KANSL1L: variants seen among roughly 807,000 people sequenced by gnomAD.
The protein encoded by KANSL1L is KAT8 regulatory NSL complex subunit 1-like protein.
A neutral mutation model predicts 108.6 loss-of-function variants in KANSL1L; 25 were observed. That is an observed-to-expected ratio of 0.23 (90% CI 0.17 to 0.32). The LOEUF (loss-of-function observed/expected upper bound fraction) is 0.32, where lower values mean the gene tolerates loss of function less well. KANSL1L is among the 10% of genes least tolerant of loss of function. The probability of loss-of-function intolerance (pLI) is 1.00; values close to 1 mark genes in which losing one functional copy is unlikely to be tolerated. For missense variants in KANSL1L, 1,137 were observed against 1,125.7 expected, an observed-to-expected ratio of 1.01 and a Z score of -0.14; for synonymous variants, 405 against 395.1, an observed-to-expected ratio of 1.03 and a Z score of -0.30.
chr2:210,062,125 G>A (rs1205126220), intron 6 of KANSL1L, among the ~76,000 whole-genome samples: 3 of 152,150 alleles, frequency 2.0e-5, no homozygotes, highest in Non-Finnish European at 4.4e-5. Flanking sequence ...GTTGTGGGAG[G>A]GACCGGGAGA....
chr2:210,031,215 T>C (rs2094011388), intron 9 of KANSL1L: 2 of 450,434 alleles, frequency 4.4e-6, no homozygotes, highest in Admixed American at 4.2e-5. Flanking sequence ...AGGGAAATAC[T>C]TAATTGCCAT....
chr2:210,068,633 A>T (rs941189094), intron 6 of KANSL1L, among the ~76,000 whole-genome samples: 5 of 152,164 alleles, frequency 3.3e-5, no homozygotes, highest in African/African-American at 1.2e-4. Flanking sequence ...AAGTGTTTGC[A>T]ACTGAGTTGT....
At chr2:210,115,933 G>T (rs2094949427) in intron 3 of KANSL1L, among the ~76,000 whole-genome samples, 1 of 152,168 alleles carries the variant, frequency 6.6e-6, no homozygotes, top group South Asian at 2.1e-4. Flanking sequence ...ACACCAGATT[G>T]AACACTATCC....
At chr2:210,043,634 A>G in intron 7 of KANSL1L, 1 of 202,918 alleles carries the variant, frequency 4.9e-6, no homozygotes, top group South Asian at 1.8e-4. Context: ...AAACATTTCA[A>G]CAGCACAGCC....
At chr2:210,091,753 T>G (rs1473015042) in intron 5 of KANSL1L, among the ~76,000 whole-genome samples, 2 of 152,338 alleles carry the variant, frequency 1.3e-5, no homozygotes, top group East Asian at 3.9e-4. Flanking sequence ...CATGCCCATA[T>G]GGTTACTTAC....
chr2:210,149,366 T>C (rs1007910247), intron 2 of KANSL1L, among the ~76,000 whole-genome samples: 1 of 152,166 alleles, frequency 6.6e-6, no homozygotes. Flanking sequence ...AAGTCAACTT[T>C]AGTATTTACT....
intron 5 of KANSL1L, among the ~76,000 whole-genome samples, chr2:210,076,902 T>C (rs1260476607): frequency 6.6e-6 from 1 of 152,106 alleles, no homozygotes; most frequent in Non-Finnish European, 1.5e-5. Flanking sequence ...GAATCTGCTA[T>C]TATGTGATAC....
intron 8 of KANSL1L, 32 bp from the exon 9 acceptor site, chr2:210,031,578 T>C (rs2094016900): frequency 1.4e-6 from 2 of 1,407,542 alleles, no homozygotes; most frequent in Non-Finnish European, 1.9e-6. Context: ...TATTAAGTTT[T>C]AGTTCCTTAA....
intron 3 of KANSL1L, among the ~76,000 whole-genome samples, chr2:210,124,152 C>T (rs2095045587): frequency 6.6e-6 from 1 of 152,074 alleles, no homozygotes; most frequent in Admixed American, 6.6e-5. Flanking sequence ...AATAAACCAA[C>T]TAGATTTAAC....
chr2:210,069,947 G>T (rs1229815811), intron 6 of KANSL1L, among the ~76,000 whole-genome samples: 2 of 150,152 alleles, frequency 1.3e-5, no homozygotes, highest in African/African-American at 4.9e-5. Flanking sequence ...TCCTGTCTCA[G>T]CCTCCCGAGT....
intron 2 of KANSL1L, among the ~76,000 whole-genome samples, chr2:210,130,285 T>C (rs1440316925): frequency 6.6e-6 from 1 of 152,196 alleles, no homozygotes; most frequent in East Asian, 1.9e-4. Context: ...GGGAACTCTT[T>C]GTACTTTCCA....
At chr2:210,075,052 G>A (rs2094532789) in intron 6 of KANSL1L, among the ~76,000 whole-genome samples, 1 of 152,126 alleles carries the variant, frequency 6.6e-6, no homozygotes, top group African/African-American at 2.4e-5. Flanking sequence ...GTAAGCATGA[G>A]CATCTAAAAC....
At position 210,143,875 on chromosome 2, in the gene KANSL1L, C is replaced by A. The variant is rs373460109; in HGVS notation, c.1088+9620G>T. On this transcript the variant is annotated intron_variant, in intron 2 of 14. Transcript: ENST00000281772. ...TTATAATAAAAACAAGTGATTTATA[C>A]ACCACCATTATTAGAGTATTCTGAA... 2.6e-5 allele frequency among the ~76,000 whole-genome samples: 4 copies of A among 152,240 alleles called. No individual in the cohort carries two copies. The South Asian group carries it at 6.2e-4, about 24-fold the overall frequency.
At chr2:210,132,509 T>A (rs1176302059) in intron 2 of KANSL1L, among the ~76,000 whole-genome samples, 1 of 152,190 alleles carries the variant, frequency 6.6e-6, no homozygotes, top group Admixed American at 6.6e-5. Context: ...AAGGTAGCAT[T>A]ATGACTTCAA....
chr2:210,032,187 A>G (rs2094027854), intron 8 of KANSL1L: 1 of 152,194 alleles, frequency 6.6e-6, no homozygotes, highest in African/African-American at 2.4e-5. Context: ...AAAGGAGTGG[A>G]AAAAGAAATA....
intron 2 of KANSL1L, among the ~76,000 whole-genome samples, chr2:210,150,998 AAC>A (rs929946907): frequency 6.6e-6 from 1 of 152,026 alleles, no homozygotes; most frequent in African/African-American, 2.4e-5. Flanking sequence ...CATAGTTCAA[AAC>A]AGTCTGAAAA....
chr2:210,039,489 C>G (rs1330678499), intron 8 of KANSL1L, among the ~76,000 whole-genome samples: 1 of 151,016 alleles, frequency 6.6e-6, no homozygotes, highest in Non-Finnish European at 1.5e-5. Context: ...ATAATAAGAC[C>G]CCAGTTCTAA....
intron 1 of KANSL1L, chr2:210,170,673 G>T (rs1012534336): frequency 6.6e-6 from 1 of 152,264 alleles, no homozygotes; most frequent in Non-Finnish European, 1.5e-5. Flanking sequence ...AATAAAATAG[G>T]GGTCTCATCA....
At chr2:210,170,080 G>A (rs1575660830) in intron 1 of KANSL1L, 1 of 152,196 alleles carries the variant, frequency 6.6e-6, no homozygotes, top group Non-Finnish European at 1.5e-5. Context: ...TCACTGTTAA[G>A]CCTCTTTCTC....
Sources: allele counts gnomAD v4.1 joint callset (sites outside exome capture counted in the v4.1 genomes callset), GRCh38; gene constraint gnomAD v4.1.1; transcripts MANE v1.5; gene names NCBI Gene and HGNC (gene_info 2026-07-23, HGNC 2026-07-21).